Variants in XRCC4 observed in about 807,000 individuals in gnomAD.
The protein encoded by XRCC4 is DNA repair protein XRCC4.
XRCC4 carries 28 observed loss-of-function variants against 39.1 expected under a neutral mutation model. The observed-to-expected ratio is 0.72, with a 90% confidence interval of 0.53 to 0.98. The LOEUF is 0.98. XRCC4 is among the 50% of genes least tolerant of loss of function. XRCC4 has a pLI of 0.00. For synonymous variants in XRCC4, 123 were observed against 126.4 expected, an observed-to-expected ratio of 0.97 and a Z score of 0.18; for missense variants, 350 against 376.4, an observed-to-expected ratio of 0.93 and a Z score of 0.58.
chr5:83,271,656 A>G (rs150377819), intron 7 of XRCC4, among the ~76,000 whole-genome samples: 116 of 152,302 alleles, frequency 7.6e-4, no homozygotes, highest in African/African-American at 2.6e-3. Flanking sequence ...AATATAAAAT[A>G]GAGTCATGTT....
At chr5:83,092,064 G>A (rs890650385) in intron 1 of XRCC4, among the ~76,000 whole-genome samples, 4 of 152,112 alleles carry the variant, frequency 2.6e-5, no homozygotes, top group Non-Finnish European at 2.9e-5. Context: ...CAGATAGGAG[G>A]TGATATCTAA....
chr5:83,326,741 C>T (rs1334318481), intron 7 of XRCC4, among the ~76,000 whole-genome samples: 1 of 152,000 alleles, frequency 6.6e-6, no homozygotes, highest in Non-Finnish European at 1.5e-5. Context: ...AGCTTGTAAT[C>T]TATTTCTTAA....
At chr5:83,162,388 T>A (rs1580313158) in intron 3 of XRCC4, among the ~76,000 whole-genome samples, 1 of 152,212 alleles carries the variant, frequency 6.6e-6, no homozygotes, top group East Asian at 1.9e-4. Context: ...ATTAGTGAAT[T>A]GGGGTTGGGG....
the XRCC4 span, among the ~76,000 whole-genome samples, chr5:83,361,115 C>A: frequency 1.3e-5 from 2 of 152,092 alleles, no homozygotes; most frequent in Non-Finnish European, 2.9e-5. Flanking sequence ...CTTGAGTTTT[C>A]TTATGCATAC....
chr5:83,166,780 C>T (rs1365733684), intron 3 of XRCC4, among the ~76,000 whole-genome samples: 1 of 151,818 alleles, frequency 6.6e-6, no homozygotes, highest in Non-Finnish European at 1.5e-5. Context: ...CTTGGCCAAG[C>T]ATTTGTTTTT....
chr5:83,113,676 A>G (rs187927484), intron 3 of XRCC4, among the ~76,000 whole-genome samples: 1 of 150,480 alleles, frequency 6.6e-6, no homozygotes, highest in Non-Finnish European at 1.5e-5. Flanking sequence ...GTTGGAGTGC[A>G]ATGGCGTGAT....
chr5:83,288,763 G>A (rs937774756), intron 7 of XRCC4, among the ~76,000 whole-genome samples: 11 of 151,806 alleles, frequency 7.2e-5, no homozygotes, highest in Non-Finnish European at 1.6e-4. Context: ...CTAGGGATAT[G>A]TTGGTTGAGT....
the XRCC4 span, among the ~76,000 whole-genome samples, chr5:83,370,508 G>A: frequency 6.6e-6 from 1 of 152,138 alleles, no homozygotes; most frequent in Non-Finnish European, 1.5e-5. Flanking sequence ...GAGGGCTAGT[G>A]CATGTCAGGT....
At chr5:83,182,176 A>G (rs1374165915) in intron 3 of XRCC4, among the ~76,000 whole-genome samples, 1 of 152,068 alleles carries the variant, frequency 6.6e-6, no homozygotes, top group African/African-American at 2.4e-5. Context: ...CTGTGGCCTG[A>G]AAGATAACCA....
chr5:83,145,166 C>A (rs10075125), intron 3 of XRCC4, among the ~76,000 whole-genome samples: 73,689 of 152,084 alleles, frequency 0.48, 18,816 homozygotes, highest in African/African-American at 0.63. Context: ...CAGTGCTGGG[C>A]TTACAGGCAT....
chr5:83,151,891 T>C (rs2112555218), intron 3 of XRCC4, among the ~76,000 whole-genome samples: 1 of 152,362 alleles, frequency 6.6e-6, no homozygotes, highest in South Asian at 2.1e-4. Flanking sequence ...GATTATTCAA[T>C]ACTATGCTTC....
At chr5:83,129,257 C>G (rs113197469) in intron 3 of XRCC4, among the ~76,000 whole-genome samples, 56,746 of 128,508 alleles carry the variant, frequency 0.44, 13,453 homozygotes, top group African/African-American at 0.58. Flanking sequence ...GCTTGTTTTT[C>G]TCAGGTTTGT....
intron 3 of XRCC4, among the ~76,000 whole-genome samples, chr5:83,120,055 CAGA>C (rs2112439292): frequency 7.0e-6 from 1 of 142,294 alleles, no homozygotes; most frequent in South Asian, 2.2e-4. Context: ...AATAAAAAAC[CAGA>C]AGTAGAAAAT....
At chr5:83,087,273 C>A (rs577579888) in intron 1 of XRCC4, among the ~76,000 whole-genome samples, 2 of 150,996 alleles carry the variant, frequency 1.3e-5, no homozygotes, top group Non-Finnish European at 1.5e-5. Context: ...GCTGAGATTG[C>A]GCCACTGCAC....
chr5:83,111,294 C>A (rs1020430636), intron 3 of XRCC4, 91 bp downstream of exon 3: 27 of 1,026,356 alleles, frequency 2.6e-5, no homozygotes, highest in African/African-American at 3.4e-5. Flanking sequence ...CTATATTATT[C>A]CCAGAACACC....
At chr5:83,124,382 G>A (rs906270879) in intron 3 of XRCC4, among the ~76,000 whole-genome samples, 1 of 152,068 alleles carries the variant, frequency 6.6e-6, no homozygotes, top group Non-Finnish European at 1.5e-5. Flanking sequence ...ATCCTTTTGA[G>A]ATTGGCTGCT....
chr5:83,325,095 G>A (rs1201553366), intron 7 of XRCC4, among the ~76,000 whole-genome samples: 1 of 151,958 alleles, frequency 6.6e-6, no homozygotes, highest in Non-Finnish European at 1.5e-5. Flanking sequence ...GCTTTTGCTA[G>A]TCAACATTTC....
At chr5:83,340,795 A>G (rs1319275038) in intron 7 of XRCC4, among the ~76,000 whole-genome samples, 6 of 152,194 alleles carry the variant, frequency 3.9e-5, no homozygotes, top group Admixed American at 1.3e-4. Flanking sequence ...AATTTGTTGC[A>G]TCAGCCATAG....
chr5:83,261,321 G>A (rs1753739786), intron 7 of XRCC4, among the ~76,000 whole-genome samples: 1 of 151,700 alleles, frequency 6.6e-6, no homozygotes, highest in African/African-American at 2.4e-5. Flanking sequence ...TTTTTTCTCT[G>A]ACAGCTTGTC....
Sources: allele counts gnomAD v4.1 joint callset (sites outside exome capture counted in the v4.1 genomes callset), GRCh38; gene constraint gnomAD v4.1.1; transcripts MANE v1.5; gene names NCBI Gene and HGNC (gene_info 2026-07-23, HGNC 2026-07-21).